The following ALS2 variants were observed in gnomAD, a reference collection of about 807,000 sequenced individuals.
ALS2 encodes alsin Rho guanine nucleotide exchange factor ALS2, also known as alsin.
ALS2 carries 117 observed loss-of-function variants against 203.4 expected under a neutral mutation model. The ratio of observed to expected loss-of-function variants is 0.58; its 90% CI spans 0.50 to 0.67. The LOEUF (loss-of-function observed/expected upper bound fraction) is 0.67, where lower values mean the gene tolerates loss of function less well. ALS2 is among the 30% of genes least tolerant of loss of function. The pLI, the probability that ALS2 is intolerant of heterozygous loss-of-function variation, is 0.00. For synonymous variants in ALS2, 718 were observed against 725.9 expected, an observed-to-expected ratio of 0.99 and a Z score of 0.17; for missense variants, 1,715 against 1,989.4, an observed-to-expected ratio of 0.86 and a Z score of 2.62.
intron 12 of ALS2, among the ~76,000 whole-genome samples, chr2:201,738,067 G>C (rs1443763949): frequency 6.6e-6 from 1 of 152,062 alleles, no homozygotes; most frequent in African/African-American, 2.4e-5. Context: ...TTGGGAGGCT[G>C]AGACAGGAGA....
chr2:201,769,361 A>G (rs1228550116), intron 1 of ALS2, among the ~76,000 whole-genome samples: 1 of 152,208 alleles, frequency 6.6e-6, no homozygotes, highest in African/African-American at 2.4e-5. Flanking sequence ...AGATTTTCTA[A>G]AATCTCTTCA....
At chr2:201,723,261 G>T (rs1184641629) in intron 22 of ALS2, 69 bp downstream of exon 22, 3 of 1,435,224 alleles carry the variant, frequency 2.1e-6, no homozygotes, top group African/African-American at 1.4e-5. Context: ...ATCAAAAGAT[G>T]ATTTAAAAAG....
At chr2:201,738,066 T>G (rs10186379) in intron 12 of ALS2, among the ~76,000 whole-genome samples, 2 of 151,984 alleles carry the variant, frequency 1.3e-5, no homozygotes, top group African/African-American at 4.8e-5. Context: ...TTTGGGAGGC[T>G]GAGACAGGAG....
rs773734521 is a variant in ALS2 at position 201,711,022 on chromosome 2, T to C, written c.4091A>G (p.Lys1364Arg). The C allele has an allele frequency of 1.9e-6, 3 of 1,610,778 alleles. No individual in the cohort carries two copies. The highest frequency in any genetic ancestry group is 1.1e-5 in the South Asian group (1 of 90,992). Residue 1364 changes from lysine (K) to arginine (R), a missense_variant, in exon 26 of 34, where the codon AAA becomes AGA. This residue lies in a region of ALS2 where 1,227 missense variants were observed against 1,413.5 expected (regional missense o/e 0.87). Coordinates refer to ENST00000264276, the MANE Select transcript of ALS2 (RefSeq NM_020919.4). ...TAAATATTTCCTGATGTCATCATAT[T>C]TCTCCACAGAGAAGGCACCAACATG... The part of the protein sequence containing the change: ...PQHVGAFSVE[K>R]YDDIRKYLIK...
rs573750571 is a variant in ALS2, at chr2:201,747,519, C to T, written c.1816-771G>A. ...AGGCTGGTGTGCAGTGGCGCAATCT[C>T]GGCTCACTGCAAACTCCACCTCCCG... On this transcript the variant is annotated intron_variant, in intron 8 of 33. Transcript: ENST00000264276. Among the ~76,000 whole-genome samples the T allele has an allele frequency of 8.8e-5, 13 of 147,190 alleles. No homozygotes were observed. The East Asian group carries it at 2.2e-3, about 24-fold the overall frequency.
chr2:201,771,953 T>C (rs1574807588), intron 1 of ALS2, among the ~76,000 whole-genome samples: 4 of 152,316 alleles, frequency 2.6e-5, no homozygotes, highest in Middle Eastern at 6.8e-3. Flanking sequence ...GACCCTCTCT[T>C]ACCTTGCATG....
chr2:201,701,865 C>T lies in ALS2; in HGVS notation c.4960G>A (p.Glu1654Lys). 1 of 1,613,802 alleles carries T rather than the reference C, an allele frequency of 6.2e-7. No homozygotes were observed. Among genetic ancestry groups the T allele is most frequent in the Non-Finnish European group, 8.5e-7 (1 of 1,179,896 alleles). ...LKACYYQIQR[E>K]KLN ...TGTTATGCAGCCTAGTTAAGCTTCT[C>T]ACGCTGAATCTGGTAGTAACATGCC... Residue 1654 changes from glutamate (E) to lysine (K), a missense_variant, in exon 34 of 34, where the codon GAG (glutamate) becomes AAG (lysine). By Grantham distance (56) the Glu-to-Lys change is moderately conservative. Around this residue, in one of 3 missense-constraint regions of ALS2, gnomAD observed 1,227 missense variants for 1,413.5 expected, o/e 0.87. Transcript: ENST00000264276.
intron 7 of ALS2, among the ~76,000 whole-genome samples, chr2:201,752,339 C>T (rs1462518858): frequency 6.6e-6 from 1 of 151,940 alleles, no homozygotes; most frequent in African/African-American, 2.4e-5. Context: ...GCAGAATTTC[C>T]TCGAGTATGT....
At chr2:201,767,426 G>C (rs1694146931) in intron 2 of ALS2, 43 bp from the exon 3 acceptor site, 1 of 1,603,070 alleles carries the variant, frequency 6.2e-7, no homozygotes, top group Non-Finnish European at 8.5e-7. Flanking sequence ...CTACAATTCA[G>C]AACAGTATCC....
At chr2:201,777,689 A>G (rs1337798162) in intron 1 of ALS2, among the ~76,000 whole-genome samples, 1 of 152,198 alleles carries the variant, frequency 6.6e-6, no homozygotes, top group African/African-American at 2.4e-5. Flanking sequence ...AAGTTAATGT[A>G]TCCCATTCCC....
At chr2:201,771,153 T>A (rs1268679807) in intron 1 of ALS2, among the ~76,000 whole-genome samples, 1 of 151,444 alleles carries the variant, frequency 6.6e-6, no homozygotes, top group Non-Finnish European at 1.5e-5. Context: ...TTCAAGCAAT[T>A]CTCCTGCCTC....
At chr2:201,775,604 C>A (rs1694621413) in intron 1 of ALS2, among the ~76,000 whole-genome samples, 1 of 152,104 alleles carries the variant, frequency 6.6e-6, no homozygotes, top group Non-Finnish European at 1.5e-5. Flanking sequence ...GCCTTCCCAA[C>A]CACTGTGGAA....
chr2:201,760,845 T>C lies in ALS2; in HGVS notation c.1113+36A>G, dbSNP rs370773340. The C allele has an allele frequency of 2.1e-5, 33 of 1,596,634 alleles. No individual in the cohort carries two copies. The Admixed American group carries it at 3.1e-4, about 15-fold the overall frequency. ...AAGAAAAGCCCATACAGTTCAACTC[T>C]AGACACACTTTTATTTTATAAAATT... On this transcript the variant is annotated intron_variant, in intron 4 of 33. Transcript: ENST00000264276.
In ALS2 at chr2:201,700,277, T is replaced by C. The variant is rs976782033; in HGVS notation, c.*1574A>G. ...AAAATAACGAGTAACTATCAAAATATGCTTTTTATTCAAAGAAATAATAGA... is the reference window on the plus strand; with the variant it reads ...AAAATAACGAGTAACTATCAAAATACGCTTTTTATTCAAAGAAATAATAGA... On this transcript the variant is annotated 3_prime_UTR_variant, in exon 34 of 34. Coordinates refer to ENST00000264276, the MANE Select transcript of ALS2 (RefSeq NM_020919.4). 2.6e-5 allele frequency among the ~76,000 whole-genome samples: 4 copies of C among 152,188 alleles called. No homozygotes were observed. Among genetic ancestry groups the C allele is most frequent in the African/African-American group, 9.7e-5 (4 of 41,438 alleles).
At chr2:201,722,481 A>T (rs1690869032) in intron 23 of ALS2, 1 of 152,686 alleles carries the variant, frequency 6.5e-6, no homozygotes, top group Admixed American at 6.5e-5. Flanking sequence ...CACTCCAGGC[A>T]TCTACTTGAG....
intron 11 of ALS2, among the ~76,000 whole-genome samples, chr2:201,739,734 A>C (rs1393343573): frequency 6.7e-6 from 1 of 149,510 alleles, no homozygotes; most frequent in Non-Finnish European, 1.5e-5. Context: ...CAAGAGCGAA[A>C]CTCCAGCTCA....
chr2:201,704,314 A>T (rs1689567349), intron 32 of ALS2, 96 bp from the exon 33 acceptor site: 1 of 1,481,294 alleles, frequency 6.8e-7, no homozygotes, highest in Non-Finnish European at 9.4e-7. Context: ...ACAGCTCAAT[A>T]AAAGGGTAAT....
chr2:201,717,547 T>G (rs746050797), intron 24 of ALS2, among the ~76,000 whole-genome samples: 1 of 151,360 alleles, frequency 6.6e-6, no homozygotes, highest in Non-Finnish European at 1.5e-5. Context: ...CTTTAAGGCT[T>G]ATAATCTAAA....
chr2:201,701,747 C>G lies in ALS2; in HGVS notation c.*104G>C, dbSNP rs1689404014. 3.6e-6 allele frequency: 4 copies of G among 1,110,160 alleles called. No homozygotes were observed. The highest frequency in any genetic ancestry group is 5.5e-6 in the Non-Finnish European group (4 of 729,816). 68.8% of individuals were successfully genotyped at this position (1,110,160 alleles called of 1,614,324 possible). ...TCTAACAACCTAAATAACACAAAGT[C>G]CTTTCCAATTTCAACACTGTTCTTT... On this transcript the variant is annotated 3_prime_UTR_variant, in exon 34 of 34. Transcript: ENST00000264276.
Sources: allele counts gnomAD v4.1 joint callset (sites outside exome capture counted in the v4.1 genomes callset), GRCh38; gene constraint gnomAD v4.1.1; regional missense constraint gnomAD v4.1.1; transcripts MANE v1.5; gene names NCBI Gene and HGNC (gene_info 2026-07-23, HGNC 2026-07-21).